ST6GALNAC6: variants seen among roughly 807,000 people sequenced by gnomAD.
The protein encoded by ST6GALNAC6 is ST6 N-acetylgalactosaminide alpha-2,6-sialyltransferase 6.
In ST6GALNAC6, 19 loss-of-function variants were observed where a neutral mutation model predicts 34.3. The ratio of observed to expected loss-of-function variants is 0.55; its 90% confidence interval spans 0.39 to 0.81. The LOEUF (loss-of-function observed/expected upper bound fraction) is 0.81, where lower values mean the gene tolerates loss of function less well. ST6GALNAC6 is among the 40% of genes least tolerant of loss of function. The probability of loss-of-function intolerance (pLI) is 0.00; values close to 1 mark genes in which losing one functional copy is unlikely to be tolerated. For synonymous variants in ST6GALNAC6, 185 were observed against 182.1 expected (o/e 1.02, Z -0.13); for missense variants, 377 against 467.7 (o/e 0.81, Z 1.79).
intron 3 of ST6GALNAC6, among the ~76,000 whole-genome samples, chr9:127,895,954 A>G (rs1830426355): frequency 6.6e-6 from 1 of 152,124 alleles, no homozygotes; most frequent in South Asian, 2.1e-4. Context: ...TCTCTCCTGC[A>G]CAGCACTCCA....
At chr9:127,905,968 C>T (rs770577074), upstream of ST6GALNAC6, 10 of 985,552 alleles carry the variant, frequency 1.0e-5, no homozygotes, top group Middle Eastern at 5.2e-4. Context: ...CTCCTCGCTC[C>T]GTGCTGTGGC....
intron 1 of ST6GALNAC6, chr9:127,899,153 T>C (rs148046048): frequency 0.03 from 4,626 of 152,356 alleles, 99 homozygotes; most frequent in South Asian, 0.087. Flanking sequence ...AGCCCGTGCG[T>C]CCACCTGGTG....
intron 6 of ST6GALNAC6, 55 bp downstream of exon 6, chr9:127,887,428 TC>T (rs930245136): frequency 2.0e-6 from 3 of 1,466,410 alleles, no homozygotes; most frequent in Non-Finnish European, 2.8e-6. Flanking sequence ...TAGAGCTCCA[TC>T]CTGCGGCCAG....
exon 1 of ST6GALNAC6, chr9:127,905,285 C>T: frequency 1.0e-6 from 1 of 985,570 alleles, no homozygotes; most frequent in East Asian, 1.1e-4. Context: ...TCAGTAGACC[C>T]CGAACCAGCC....
upstream of ST6GALNAC6, among the ~76,000 whole-genome samples, chr9:127,906,374 A>G (rs1830916064): frequency 6.6e-6 from 1 of 151,814 alleles, no homozygotes; most frequent in Non-Finnish European, 1.5e-5. Context: ...ATCCCAGCTG[A>G]CAGCCCGAGG....
At chr9:127,889,428 A>G (rs1487848167) in intron 5 of ST6GALNAC6, among the ~76,000 whole-genome samples, 1 of 136,676 alleles carries the variant, frequency 7.3e-6, no homozygotes, top group Non-Finnish European at 1.5e-5. Context: ...CACAAAAATC[A>G]ATTTCTCTTT....
chr9:127,895,327 A>G (rs1164817296), intron 3 of ST6GALNAC6, among the ~76,000 whole-genome samples: 1 of 152,218 alleles, frequency 6.6e-6, no homozygotes, highest in Admixed American at 6.5e-5. Flanking sequence ...CAGTAAGGGC[A>G]TCTTACCCAC....
intron 3 of ST6GALNAC6, 82 bp from the exon 4 acceptor site, chr9:127,894,773 T>A (rs1830351250): frequency 6.6e-7 from 1 of 1,517,532 alleles, no homozygotes; most frequent in South Asian, 1.2e-5. Context: ...CCATGCCTGG[T>A]TAACTCCTGC....
intron 2 of ST6GALNAC6, chr9:127,897,692 C>A: frequency 1.3e-6 from 1 of 769,976 alleles, no homozygotes; most frequent in Non-Finnish European, 2.0e-6. Context: ...AGACAGGAGT[C>A]CAGAATCCTG....
At chr9:127,906,143 G>A (rs1830910845), upstream of ST6GALNAC6, 4 of 490,692 alleles carry the variant, frequency 8.2e-6, no homozygotes, top group South Asian at 2.6e-4. Flanking sequence ...TGAAAGCCAA[G>A]GGCGGGAGGG....
At position 127,891,531 on chromosome 9, in the gene ST6GALNAC6, T is replaced by C. The variant is rs1249113922; in HGVS notation, c.298-488A>G. ...ACTCGGGAGACTAAGGCACAAGAAT[T>C]GCTCGAACCTGGAGGCAGAGGTTGC... is the stretch of plus-strand genomic sequence containing the variant. On this transcript the variant is annotated intron_variant, in intron 4 of 6. Transcript: ENST00000373146. Among the ~76,000 whole-genome samples the C allele has an allele frequency of 2.0e-5, 3 of 150,908 alleles. No individual in the cohort carries two copies. The East Asian group carries it at 5.9e-4, about 30-fold the overall frequency.
At chr9:127,892,920 C>A (rs575717872) in intron 4 of ST6GALNAC6, among the ~76,000 whole-genome samples, 2 of 152,248 alleles carry the variant, frequency 1.3e-5, no homozygotes, top group African/African-American at 4.8e-5. Flanking sequence ...GCCAAACTAT[C>A]CTTTAAAAAC....
At chr9:127,886,890 C>G (rs760962243) in intron 6 of ST6GALNAC6, 102 bp from the exon 7 acceptor site, 5 of 1,214,630 alleles carry the variant, frequency 4.1e-6, no homozygotes, top group Non-Finnish European at 5.6e-6. Context: ...AGGAGAAATC[C>G]CCATGCCTCC....
At chr9:127,902,702 C>T (rs950905919), upstream of ST6GALNAC6, among the ~76,000 whole-genome samples, 56 of 150,798 alleles carry the variant, frequency 3.7e-4, no homozygotes, top group South Asian at 4.2e-4. Flanking sequence ...GATTCTCCTG[C>T]TTCAGCCTCC....
At chr9:127,892,355 T>C (rs1011993216) in intron 4 of ST6GALNAC6, among the ~76,000 whole-genome samples, 3 of 152,206 alleles carry the variant, frequency 2.0e-5, no homozygotes, top group African/African-American at 4.8e-5. Context: ...TCCACCTTGT[T>C]TGGGGACTAA....
chr9:127,894,738 A>C, intron 3 of ST6GALNAC6, 47 bp from the exon 4 acceptor site: 96 of 1,446,802 alleles, frequency 6.6e-5, no homozygotes, highest in Non-Finnish European at 7.9e-5. Flanking sequence ...GGGCAGGCTC[A>C]GCGCCCCCAC....
chr9:127,900,962 G>T (rs1437472790), upstream of ST6GALNAC6, among the ~76,000 whole-genome samples: 1 of 122,816 alleles, frequency 8.1e-6, no homozygotes, highest in Non-Finnish European at 1.6e-5. Flanking sequence ...CCAGCCTCCA[G>T]CCTGGGCAAC....
chr9:127,900,284 C>A (rs1291766213), upstream of ST6GALNAC6, among the ~76,000 whole-genome samples: 1 of 152,146 alleles, frequency 6.6e-6, no homozygotes, highest in Admixed American at 6.5e-5. Flanking sequence ...GGGCCAGGCG[C>A]GGTGGTTCGC....
At chr9:127,902,734 G>A (rs1339017196), upstream of ST6GALNAC6, among the ~76,000 whole-genome samples, 5 of 150,482 alleles carry the variant, frequency 3.3e-5, no homozygotes, top group East Asian at 2.0e-4. Flanking sequence ...GACTACAGGC[G>A]TGTGCTACCA....
Sources: allele counts gnomAD v4.1 joint callset (sites outside exome capture counted in the v4.1 genomes callset), GRCh38; gene constraint gnomAD v4.1.1; transcripts MANE v1.5; gene names NCBI Gene and HGNC (gene_info 2026-07-23, HGNC 2026-07-21).